Variants in TJP1 observed in about 807,000 individuals in gnomAD.
TJP1 encodes tight junction protein ZO-1.
A neutral mutation model predicts 194.2 loss-of-function variants in TJP1; 43 were observed. The observed-to-expected ratio is 0.22, with a 90% confidence interval of 0.17 to 0.29. The LOEUF (loss-of-function observed/expected upper bound fraction) is 0.29, where lower values mean the gene tolerates loss of function less well. TJP1 is among the 10% of genes least tolerant of loss of function. The probability of loss-of-function intolerance (pLI) is 1.00; values close to 1 mark genes in which losing one functional copy is unlikely to be tolerated. For missense variants in TJP1, 1,971 were observed against 2,185.7 expected (o/e 0.90, Z 1.96); for synonymous variants, 801 against 779.0 (o/e 1.03, Z -0.47).
chr15:29,878,297 G>A (rs1223950872), intron 2 of TJP1, among the ~76,000 whole-genome samples: 3 of 152,060 alleles, frequency 2.0e-5, no homozygotes, highest in Non-Finnish European at 2.9e-5. Context: ...TGATCCGCCC[G>A]CCTCGGCCTC....
At chr15:29,830,217 C>T (rs2050794682) in intron 2 of TJP1, among the ~76,000 whole-genome samples, 1 of 151,770 alleles carries the variant, frequency 6.6e-6, no homozygotes, top group Non-Finnish European at 1.5e-5. Flanking sequence ...CACTATTACT[C>T]TGAAACTGCT....
chr15:29,806,154 T>C (rs946939438), intron 1 of TJP1, among the ~76,000 whole-genome samples: 13 of 152,142 alleles, frequency 8.5e-5, no homozygotes, highest in Admixed American at 3.9e-4. Flanking sequence ...GTTAGAAAGT[T>C]AGTGAGAAGT....
chr15:29,951,162 C>CT (rs1023622697), intron 2 of TJP1, among the ~76,000 whole-genome samples: 1 of 152,000 alleles, frequency 6.6e-6, no homozygotes, highest in East Asian at 1.9e-4. Flanking sequence ...CATGGATACT[C>CT]TTTTTTTCTT....
Position 29,904,692 on chromosome 15 carries a change from C to T in TJP1, c.306+51540G>A, listed in dbSNP as rs560193175. ...TATTAGAAAAAAAAATAAAGATAATCGAAGTGGGCTGAACAGTATTCCTCA... is the reference window on the plus strand; with the variant it reads ...TATTAGAAAAAAAAATAAAGATAATTGAAGTGGGCTGAACAGTATTCCTCA... On this transcript the variant is annotated intron_variant, in intron 2 of 28. Transcript: ENST00000356107. Among the ~76,000 whole-genome samples the T allele has an allele frequency of 2.6e-5, 4 of 152,170 alleles. No homozygotes were observed. The South Asian group carries it at 6.2e-4, about 24-fold the overall frequency.
chr15:29,911,993 A>C (rs1034404604), intron 2 of TJP1, among the ~76,000 whole-genome samples: 2 of 152,248 alleles, frequency 1.3e-5, no homozygotes, highest in African/African-American at 4.8e-5. Context: ...TGCTATAACA[A>C]GATACCACAG....
Position 29,776,175 on chromosome 15 carries a change from T to G in TJP1, c.85-2818A>C, listed in dbSNP as rs190053299. Among the ~76,000 whole-genome samples the G allele has an allele frequency of 2.0e-4, 31 of 152,196 alleles. No homozygotes were observed. In the East Asian group the frequency reaches 2.1e-3, roughly 10 times the overall value. ...AAAATAAGCAAACAAAGGCCAACACTACATAAATACTCCATGAAAAAGGGA... is the reference window on the plus strand; with the variant it reads ...AAAATAAGCAAACAAAGGCCAACACGACATAAATACTCCATGAAAAAGGGA... On this transcript the variant is annotated intron_variant, in intron 2 of 27. Transcript: ENST00000614355.
chr15:29,713,630 A>G (rs7178947), intron 23 of TJP1, among the ~76,000 whole-genome samples: 152,218 of 152,362 alleles, frequency 1, 76,037 homozygotes, highest in Non-Finnish European at 1. Flanking sequence ...GCAGGACAGA[A>G]TCCTATATTT....
chr15:29,723,505 G>C (rs1037661847), intron 18 of TJP1, among the ~76,000 whole-genome samples: 2 of 152,140 alleles, frequency 1.3e-5, no homozygotes, highest in South Asian at 2.1e-4. Flanking sequence ...ACAGAACTGT[G>C]AGCCAATTAA....
Position 29,709,036 on chromosome 15 carries a change from C to A in TJP1, c.4373G>T (p.Gly1458Val). The A allele has an allele frequency of 1.2e-6, 2 of 1,602,306 alleles. No homozygotes were observed. Among genetic ancestry groups the A allele is most frequent in the Non-Finnish European group, 1.7e-6 (2 of 1,174,092 alleles). ...CTGAAAATCCAATGACACTGAATTA[C>A]CTGAAAAACAAACGTAAGCATTTAA... is the stretch of plus-strand genomic sequence containing the variant. ...HIHSKGAHGE[G>V]NSVSLDFQNS... Residue 1458 changes from glycine (G) to valine (V), a missense_variant and splice_region_variant, in exon 25 of 28, where the codon GGT (glycine) becomes GTT (valine). By Grantham distance (109) the Gly-to-Val change is moderately radical. Around this residue, in one of 5 missense-constraint regions of TJP1, gnomAD observed 1,108 missense variants for 1,128.5 expected, o/e 0.98. Transcript: ENST00000614355.
intron 8 of TJP1, among the ~76,000 whole-genome samples, chr15:29,748,922 ATGTGTGTGTGTGTGTGTGTG>A (rs112772922): frequency 9.6e-6 from 1 of 104,616 alleles, no homozygotes; most frequent in African/African-American, 2.8e-5. Flanking sequence ...AAGCTTAAAA[ATGTGTGTGTGTGTGTGTGTG>A]TGTGTGTGTG....
chr15:29,949,089 T>C (rs1354049834), intron 2 of TJP1, among the ~76,000 whole-genome samples: 4 of 98,890 alleles, frequency 4.0e-5, no homozygotes, highest in Non-Finnish European at 4.1e-5. Context: ...ACCTACTCCT[T>C]CACCACCACC....
At chr15:29,739,019 G>A (rs2044221130) in intron 10 of TJP1, among the ~76,000 whole-genome samples, 1 of 152,046 alleles carries the variant, frequency 6.6e-6, no homozygotes, top group Non-Finnish European at 1.5e-5. Flanking sequence ...ACTCTAGCCT[G>A]GGTGACAGAG....
Position 29,705,030 on chromosome 15 carries a change from A to G in TJP1, c.5068+498T>C, listed in dbSNP as rs574309243. Among the ~76,000 whole-genome samples, 10 of 152,354 alleles carry G rather than the reference A, an allele frequency of 6.6e-5. No homozygotes were observed. The South Asian group carries it at 2.1e-3, about 32-fold the overall frequency. ...ATTATGAAAATAAGTTTCCTTAAGA[A>G]GCTCAGAAACATGCTGTCATCTCCT... On this transcript the variant is annotated intron_variant, in intron 26 of 27. Transcript: ENST00000614355.
At chr15:29,705,449 C>A in intron 26 of TJP1, 79 bp downstream of exon 26, 1 of 1,406,218 alleles carries the variant, frequency 7.1e-7, no homozygotes. Flanking sequence ...GCATTATTAG[C>A]CAAGCACTAT....
chr15:29,843,274 C>T (rs1299714746), intron 2 of TJP1, among the ~76,000 whole-genome samples: 1 of 151,806 alleles, frequency 6.6e-6, no homozygotes, highest in Non-Finnish European at 1.5e-5. Flanking sequence ...CTGCAACATC[C>T]GCCTCCCGGG....
At chr15:29,790,016 C>A (rs1463616593) in intron 2 of TJP1, among the ~76,000 whole-genome samples, 1 of 152,116 alleles carries the variant, frequency 6.6e-6, no homozygotes, top group Non-Finnish European at 1.5e-5. Context: ...TCCCTCTTTA[C>A]AATAAAACCT....
At chr15:29,790,743 T>G in intron 2 of TJP1, among the ~76,000 whole-genome samples, 1 of 150,468 alleles carries the variant, frequency 6.6e-6, no homozygotes, top group Non-Finnish European at 1.5e-5. Flanking sequence ...CTCCGTGAGT[T>G]CATTTTTCTT....
At chr15:29,707,216 A>G (rs1163699816) in intron 25 of TJP1, among the ~76,000 whole-genome samples, 2 of 152,332 alleles carry the variant, frequency 1.3e-5, no homozygotes, top group East Asian at 3.9e-4. Flanking sequence ...CGCCAAAGGC[A>G]AAGGGGATGT....
chr15:29,730,441 T>TAATAAA (rs2043552430), intron 15 of TJP1, among the ~76,000 whole-genome samples: 1 of 150,742 alleles, frequency 6.6e-6, no homozygotes, highest in Non-Finnish European at 1.5e-5. Flanking sequence ...ATAATAATAA[T>TAATAAA]AATAAACTAG....
Sources: allele counts gnomAD v4.1 joint callset (sites outside exome capture counted in the v4.1 genomes callset), GRCh38; gene constraint gnomAD v4.1.1; regional missense constraint gnomAD v4.1.1; transcripts MANE v1.5; gene names NCBI Gene and HGNC (gene_info 2026-07-23, HGNC 2026-07-21).